WASHC5: variants seen among roughly 807,000 people sequenced by gnomAD.
WASHC5 encodes the protein WASH complex subunit 5.
A neutral mutation model predicts 150.4 loss-of-function variants in WASHC5; 101 were observed. The ratio of observed to expected loss-of-function variants is 0.67; its 90% CI spans 0.57 to 0.79. The LOEUF (loss-of-function observed/expected upper bound fraction) is 0.79. Ranked by LOEUF, WASHC5 falls within the 30% of genes least tolerant of loss-of-function variation. WASHC5 has a pLI of 0.00. For synonymous variants in WASHC5, 467 were observed against 491.2 expected, an observed-to-expected ratio of 0.95 and a Z score of 0.65; for missense variants, 1,195 against 1,396.3, an observed-to-expected ratio of 0.86 and a Z score of 2.30.
chr8:125,036,432 T>G (rs13251807), intron 26 of WASHC5, among the ~76,000 whole-genome samples: 58,355 of 151,802 alleles, frequency 0.38, 13,269 homozygotes, highest in African/African-American at 0.63. Flanking sequence ...AGCCCTTTAG[T>G]TGCCGAGGCA....
intron 27 of WASHC5, among the ~76,000 whole-genome samples, chr8:125,031,354 A>T (rs889636823): frequency 2.6e-5 from 4 of 151,908 alleles, no homozygotes; most frequent in African/African-American, 7.3e-5. Context: ...AGCTCACTGC[A>T]CCTCTGAGGC....
At chr8:125,055,979 G>A (rs1289289053) in intron 16 of WASHC5, among the ~76,000 whole-genome samples, 1 of 152,168 alleles carries the variant, frequency 6.6e-6, no homozygotes, top group Non-Finnish European at 1.5e-5. Context: ...CTATGAGACT[G>A]AGAAGGTAAC....
At chr8:125,039,938 G>T in intron 23 of WASHC5, 40 bp from the exon 24 acceptor site, 1 of 1,339,804 alleles carries the variant, frequency 7.5e-7, no homozygotes, top group Non-Finnish European at 1.1e-6. Context: ...GTGCATTCAA[G>T]CATTTCAGAG....
intron 9 of WASHC5, among the ~76,000 whole-genome samples, chr8:125,068,133 C>T (rs952205243): frequency 6.6e-5 from 10 of 152,136 alleles, no homozygotes; most frequent in South Asian, 2.1e-4. Context: ...CATTCAGTAA[C>T]GGACTGCTAT....
chr8:125,074,976 A>C (rs1563631780), intron 8 of WASHC5, 22 bp downstream of exon 8: 1 of 1,378,804 alleles, frequency 7.3e-7, no homozygotes, highest in Non-Finnish European at 1.0e-6. Flanking sequence ...TTATCAGAGA[A>C]TGTCCCCAGA....
rs1172814327 is a variant in WASHC5, at chr8:125,037,303, A to G, written c.3115T>C (p.Phe1039Leu). The change falls in exon 26 of 29, where the codon TTT becomes CTT. Residue 1039 changes from phenylalanine to leucine, a missense_variant. Coordinates refer to ENST00000318410, the MANE Select transcript of WASHC5 (RefSeq NM_014846.4). ...IYITTKRLPY[F>L]PIVNFLFLIA... ...AAAAATAGAAAGTTTACAATTGGAA[A>G]ATAGGGTAAGCGCTTTGTTGTTATG... 1 of 1,611,902 alleles carries G rather than the reference A, an allele frequency of 6.2e-7. No individual in the cohort carries two copies.
At chr8:125,087,308 G>A (rs928135587) in intron 1 of WASHC5, among the ~76,000 whole-genome samples, 8 of 152,036 alleles carry the variant, frequency 5.3e-5, no homozygotes, top group Admixed American at 3.3e-4. Flanking sequence ...CTCTGCTTCC[G>A]CTGATTATTG....
At chr8:125,068,261 T>C (rs1816805184) in intron 9 of WASHC5, among the ~76,000 whole-genome samples, 1 of 152,222 alleles carries the variant, frequency 6.6e-6, no homozygotes, top group African/African-American at 2.4e-5. Flanking sequence ...CCTTAAATGA[T>C]TGTACAAACA....
Position 125,076,593 on chromosome 8 carries a change from G to GT in WASHC5, c.712-94dup, listed in dbSNP as rs1399192908. On this transcript the variant is annotated intron_variant, in intron 6 of 28. Transcript: ENST00000318410. ...AACTCTCTGGTTGTAAGACACATCA[G>GT]TTTTTCCAAAGCCCATCACCTTTCA... The GT allele has an allele frequency of 5.4e-6, 8 of 1,472,938 alleles. No individual in the cohort carries two copies. In the East Asian group the frequency reaches 1.8e-4, roughly 34 times the overall value. 91.2% of individuals were successfully genotyped at this position (1,472,938 alleles called of 1,614,324 possible).
At chr8:125,038,806 C>T (rs1265934265) in intron 25 of WASHC5, 24 bp downstream of exon 25, 5 of 1,612,952 alleles carry the variant, frequency 3.1e-6, no homozygotes, top group Non-Finnish European at 4.2e-6. Context: ...CCCATCCCCG[C>T]CATTATATAT....
In WASHC5 at chr8:125,081,700, TCTC is replaced by T. The variant is rs753034832; in HGVS notation, c.476_478del (p.Gly159del). On this transcript the variant is annotated inframe_deletion, in exon 5 of 29. Coordinates refer to ENST00000318410, the MANE Select transcript of WASHC5 (RefSeq NM_014846.4). ...AGAAACCAGCATCCTCTCTCTGACT[TCTC>T]CTTCAATCTTTTGGTCAATGACCAG... is the stretch of plus-strand genomic sequence containing the variant. The T allele has an allele frequency of 3.7e-6, 6 of 1,612,430 alleles. No individual in the cohort carries two copies. Among genetic ancestry groups the T allele is most frequent in the East Asian group, 2.2e-5 (1 of 44,896 alleles).
chr8:125,070,520 A>C (rs1816867279), intron 9 of WASHC5, among the ~76,000 whole-genome samples: 1 of 152,218 alleles, frequency 6.6e-6, no homozygotes, highest in Non-Finnish European at 1.5e-5. Flanking sequence ...ACAGAAGATG[A>C]AGATGAGGCT....
intron 10 of WASHC5, among the ~76,000 whole-genome samples, chr8:125,065,050 G>A (rs1321720394): frequency 5.9e-5 from 9 of 152,292 alleles, no homozygotes; most frequent in East Asian, 3.9e-4. Flanking sequence ...ACTACATGGC[G>A]TCAAGCCCTT....
At chr8:125,031,517 A>G (rs530022245) in intron 27 of WASHC5, among the ~76,000 whole-genome samples, 6 of 151,974 alleles carry the variant, frequency 3.9e-5, no homozygotes, top group Non-Finnish European at 5.9e-5. Flanking sequence ...GACCTCAAGT[A>G]ATCTACCCAA....
chr8:125,072,425 G>A (rs1338855476), intron 9 of WASHC5, among the ~76,000 whole-genome samples: 2 of 150,352 alleles, frequency 1.3e-5, no homozygotes, highest in Non-Finnish European at 3.0e-5. Flanking sequence ...TTAGGCTGCA[G>A]TGCAGTAGCA....
Position 125,028,608 on chromosome 8 carries a change from T to C in WASHC5, c.3423+12A>G, listed in dbSNP as rs746980834. 2 of 1,568,678 alleles carry C rather than the reference T, an allele frequency of 1.3e-6. No individual in the cohort carries two copies. The highest frequency in any genetic ancestry group is 8.8e-7 in the Non-Finnish European group (1 of 1,138,676). The stretch of plus-strand genomic sequence containing the variant: ...CAACTATTAATATTGTTCTTTACTA[T>C]CTATCACTTACCCTCCTGGGTAGCT... On this transcript the variant is annotated intron_variant, in intron 28 of 28. Transcript: ENST00000318410.
intron 12 of WASHC5, among the ~76,000 whole-genome samples, chr8:125,060,722 TC>T (rs1231833565): frequency 6.6e-6 from 1 of 152,140 alleles, no homozygotes; most frequent in Non-Finnish European, 1.5e-5. Flanking sequence ...TCTGGTTTTT[TC>T]CCCCAAGGCA....
At chr8:125,056,863 CTTT>C in intron 15 of WASHC5, 46 bp from the exon 16 acceptor site, 1 of 1,612,690 alleles carries the variant, frequency 6.2e-7, no homozygotes, top group Non-Finnish European at 8.5e-7. Context: ...ATCTGTTTTA[CTTT>C]TCTTGGCTGA....
chr8:125,027,650 T>A (rs190920614), intron 28 of WASHC5, among the ~76,000 whole-genome samples: 1 of 152,168 alleles, frequency 6.6e-6, no homozygotes, highest in Admixed American at 6.5e-5. Context: ...GATAAAATAC[T>A]ACAAATATGG....
Sources: gnomAD v4.1 joint callset for allele counts (sites outside exome capture counted in the v4.1 genomes callset) on GRCh38, gnomAD v4.1.1 for gene constraint, MANE v1.5 for transcripts, NCBI Gene and HGNC (gene_info 2026-07-23, HGNC 2026-07-21) for gene names.